The following MAP7 variants were observed in gnomAD, a reference collection of about 807,000 sequenced individuals.
MAP7 encodes microtubule associated protein 7.
A neutral mutation model predicts 94.8 loss-of-function variants in MAP7; 52 were observed. The ratio of observed to expected loss-of-function variants is 0.55; its 90% CI spans 0.44 to 0.69. MAP7 has a LOEUF of 0.69. MAP7 is among the 30% of genes least tolerant of loss of function. MAP7 has a pLI of 0.00. For synonymous variants in MAP7, 350 were observed against 357.0 expected (o/e 0.98, Z 0.22); for missense variants, 940 against 964.6 (o/e 0.97, Z 0.34).
intron 2 of MAP7, among the ~76,000 whole-genome samples, chr6:136,418,337 C>T (rs531636487): frequency 6.6e-6 from 1 of 152,280 alleles, no homozygotes; most frequent in East Asian, 1.9e-4. Context: ...GCCTCAGCCT[C>T]CTGAGTAGCT....
At chr6:136,457,025 T>C (rs545834593) in intron 1 of MAP7, among the ~76,000 whole-genome samples, 211 of 13,616 alleles carry the variant, frequency 0.015, no homozygotes, top group African/African-American at 0.021. Context: ...TGAAACAAAG[T>C]TTTTTTTTTA....
At chr6:136,438,308 C>A (rs1486297685) in intron 1 of MAP7, among the ~76,000 whole-genome samples, 5 of 152,210 alleles carry the variant, frequency 3.3e-5, no homozygotes, top group Admixed American at 3.3e-4. Flanking sequence ...AATTAGCATC[C>A]ACATTTAACA....
chr6:136,536,620 C>T (rs562375910), intron 1 of MAP7, among the ~76,000 whole-genome samples: 4 of 152,306 alleles, frequency 2.6e-5, no homozygotes, highest in African/African-American at 9.6e-5. Flanking sequence ...GGAAATAGTA[C>T]TAGCTGGCTC....
chr6:136,429,646 A>C (rs1794310109), intron 1 of MAP7, among the ~76,000 whole-genome samples: 1 of 152,240 alleles, frequency 6.6e-6, no homozygotes, highest in East Asian at 1.9e-4. Flanking sequence ...TCACCCACTA[A>C]GCTCTTTCGT....
intron 16 of MAP7, among the ~76,000 whole-genome samples, chr6:136,350,817 C>T (rs1788974379): frequency 6.6e-6 from 1 of 152,132 alleles, no homozygotes; most frequent in Non-Finnish European, 1.5e-5. Flanking sequence ...ATGCTCGTAC[C>T]ACTGCACTCC....
chr6:136,448,572 G>A (rs1260063514), intron 1 of MAP7, among the ~76,000 whole-genome samples: 3 of 151,832 alleles, frequency 2.0e-5, no homozygotes, highest in Non-Finnish European at 1.5e-5. Flanking sequence ...CCGCCACCAC[G>A]CCTGGTTAAT....
intron 7 of MAP7, among the ~76,000 whole-genome samples, chr6:136,376,378 C>T (rs1181691481): frequency 2.6e-5 from 4 of 152,216 alleles, no homozygotes; most frequent in South Asian, 2.1e-4. Context: ...GGATTACAGG[C>T]GTGAGCCACC....
chr6:136,496,981 A>G (rs2129001862), intron 1 of MAP7, among the ~76,000 whole-genome samples: 1 of 151,872 alleles, frequency 6.6e-6, no homozygotes. Flanking sequence ...AATAAAATAA[A>G]GCCCATTTGA....
At chr6:136,443,346 C>T (rs1468000863) in intron 1 of MAP7, among the ~76,000 whole-genome samples, 1 of 152,008 alleles carries the variant, frequency 6.6e-6, no homozygotes, top group African/African-American at 2.4e-5. Context: ...GAGTTAAAAA[C>T]CTTACTTTAA....
intron 1 of MAP7, among the ~76,000 whole-genome samples, chr6:136,469,845 C>T (rs1808387739): frequency 6.6e-6 from 1 of 152,168 alleles, no homozygotes; most frequent in African/African-American, 2.4e-5. Context: ...TAATCCCTAA[C>T]AAATGTAAAA....
intron 1 of MAP7, among the ~76,000 whole-genome samples, chr6:136,506,487 A>C (rs905226471): frequency 6.6e-6 from 1 of 152,104 alleles, no homozygotes; most frequent in African/African-American, 2.4e-5. Context: ...GGATATTTTA[A>C]GGTTTATAAG....
intron 8 of MAP7, among the ~76,000 whole-genome samples, chr6:136,368,198 T>G (rs1467557672): frequency 7.0e-6 from 1 of 143,228 alleles, no homozygotes; most frequent in Non-Finnish European, 1.6e-5. Context: ...AACCAGGGAG[T>G]TTTTTTTTTT....
chr6:136,468,995 T>G lies in MAP7; in HGVS notation c.68-47196A>C, dbSNP rs557316450. On this transcript the variant is annotated intron_variant, in intron 1 of 17. Transcript: ENST00000354570. Reference sequence around the variant, plus strand: ...TTAGCAAAAACAGTTTTTTGTTGTTTTTTTTTTTAACTAAATGGTGGTGAA... The same window carrying G: ...TTAGCAAAAACAGTTTTTTGTTGTTGTTTTTTTTAACTAAATGGTGGTGAA... 1.1e-4 allele frequency among the ~76,000 whole-genome samples: 17 copies of G among 152,060 alleles called. No individual in the cohort carries two copies. In the East Asian group the frequency reaches 2.3e-3, roughly 21 times the overall value.
chr6:136,391,284 A>G (rs1435923334), intron 3 of MAP7, among the ~76,000 whole-genome samples: 2 of 149,808 alleles, frequency 1.3e-5, no homozygotes, highest in Middle Eastern at 3.4e-3. Flanking sequence ...CATCATTCTC[A>G]GTAAACTATC....
At chr6:136,439,087 T>G (rs2128836695) in intron 1 of MAP7, among the ~76,000 whole-genome samples, 1 of 152,268 alleles carries the variant, frequency 6.6e-6, no homozygotes, top group South Asian at 2.1e-4. Flanking sequence ...CCTGCTATGG[T>G]TTGAATGTGT....
At chr6:136,423,667 G>A (rs1471746741) in intron 1 of MAP7, among the ~76,000 whole-genome samples, 23 of 151,446 alleles carry the variant, frequency 1.5e-4, no homozygotes, top group Non-Finnish European at 2.9e-5. Context: ...AGGGTTTGGG[G>A]GAGATGACAG....
chr6:136,429,910 C>G (rs1235620465), intron 1 of MAP7, among the ~76,000 whole-genome samples: 1 of 152,190 alleles, frequency 6.6e-6, no homozygotes, highest in Non-Finnish European at 1.5e-5. Flanking sequence ...TGGTGACTTA[C>G]CACCAGTCAC....
At chr6:136,409,550 G>T (rs1163368694) in intron 3 of MAP7, among the ~76,000 whole-genome samples, 2 of 152,186 alleles carry the variant, frequency 1.3e-5, no homozygotes, top group Non-Finnish European at 2.9e-5. Flanking sequence ...CTCAGCAAAT[G>T]TCTTTTTTCC....
intron 1 of MAP7, among the ~76,000 whole-genome samples, chr6:136,540,321 G>A (rs1829200926): frequency 6.6e-6 from 1 of 152,176 alleles, no homozygotes; most frequent in Non-Finnish European, 1.5e-5. Flanking sequence ...AAAGATCTCT[G>A]GGAAAAGTAT....
Sources: allele counts gnomAD v4.1 joint callset (sites outside exome capture counted in the v4.1 genomes callset), GRCh38; gene constraint gnomAD v4.1.1; transcripts MANE v1.5; gene names NCBI Gene and HGNC (gene_info 2026-07-23, HGNC 2026-07-21).